PTBP2: variants seen among roughly 807,000 people sequenced by gnomAD.
The protein encoded by PTBP2 is polypyrimidine tract binding protein 2.
In PTBP2, 13 loss-of-function variants were observed where a neutral mutation model predicts 61.4. The observed-to-expected ratio is 0.21, with a 90% CI of 0.14 to 0.34. The LOEUF is 0.34. Among genes scored for constraint, PTBP2 ranks in the 10% least tolerant of loss-of-function variants. The pLI is 1.00. For synonymous variants in PTBP2, 215 were observed against 218.5 expected (o/e 0.98, Z 0.14); for missense variants, 405 against 642.6 (o/e 0.63, Z 4.00).
At chr1:96,783,029 T>C (rs1326648670) in intron 7 of PTBP2, among the ~76,000 whole-genome samples, 1 of 152,016 alleles carries the variant, frequency 6.6e-6, no homozygotes, top group Non-Finnish European at 1.5e-5. Flanking sequence ...TCTTGAGCTT[T>C]TAATGTCAGA....
chr1:96,793,606 C>T (rs1214543860), intron 8 of PTBP2, among the ~76,000 whole-genome samples: 1 of 152,052 alleles, frequency 6.6e-6, no homozygotes, highest in Non-Finnish European at 1.5e-5. Context: ...CTCCTGACCT[C>T]GTGATCCGCC....
chr1:96,728,815 A>ATTG (rs1553170685), intron 2 of PTBP2, among the ~76,000 whole-genome samples: 2,279 of 110,176 alleles, frequency 0.021, 66 homozygotes, highest in African/African-American at 0.061. Flanking sequence ...TTCTTTAAGC[A>ATTG]TTTTTTTTTT....
intron 3 of PTBP2, among the ~76,000 whole-genome samples, chr1:96,766,313 A>G (rs1355881924): frequency 2.0e-5 from 3 of 152,240 alleles, no homozygotes; most frequent in African/African-American, 7.2e-5. Context: ...AATGAATAAA[A>G]TTTATATGCA....
intron 2 of PTBP2, among the ~76,000 whole-genome samples, chr1:96,732,290 G>T (rs2100812023): frequency 6.6e-6 from 1 of 152,192 alleles, no homozygotes; most frequent in African/African-American, 2.4e-5. Flanking sequence ...AAAACTTTGG[G>T]TTTTTAGGTT....
intron 8 of PTBP2, among the ~76,000 whole-genome samples, chr1:96,799,293 G>GTTTTTTTTTTT (rs1557768004): frequency 2.3e-5 from 2 of 88,290 alleles, no homozygotes; most frequent in African/African-American, 1.2e-4. Flanking sequence ...AATAGATCAA[G>GTTTTTTTTTTT]CTTTTTTTTT....
intron 3 of PTBP2, among the ~76,000 whole-genome samples, chr1:96,767,144 T>C (rs1269489314): frequency 6.6e-6 from 1 of 152,160 alleles, no homozygotes; most frequent in African/African-American, 2.4e-5. Flanking sequence ...GTCTTATCCT[T>C]TGATTCTCAG....
At chr1:96,773,211 G>A (rs1013051646) in intron 5 of PTBP2, among the ~76,000 whole-genome samples, 3 of 150,698 alleles carry the variant, frequency 2.0e-5, no homozygotes, top group Non-Finnish European at 3.0e-5. Flanking sequence ...ACTAGTGGAA[G>A]CCCCATTGAG....
At chr1:96,776,332 CAAT>C (rs913938741) in intron 5 of PTBP2, among the ~76,000 whole-genome samples, 3 of 151,160 alleles carry the variant, frequency 2.0e-5, no homozygotes, top group Non-Finnish European at 3.0e-5. Context: ...ATTATTTTTT[CAAT>C]AATAGTATCA....
chr1:96,807,047 C>T (rs1332608154), intron 11 of PTBP2, 89 bp downstream of exon 11: 1 of 941,014 alleles, frequency 1.1e-6, no homozygotes, highest in Non-Finnish European at 1.6e-6. Context: ...AACTCCTTTA[C>T]ATCAGTAAGA....
intron 8 of PTBP2, 46 bp downstream of exon 8, chr1:96,785,300 T>C (rs1570939581): frequency 7.0e-7 from 1 of 1,425,598 alleles, no homozygotes; most frequent in Non-Finnish European, 9.4e-7. Context: ...TTTTGCCAAA[T>C]GGAAAAGTAC....
Position 96,813,055 on chromosome 1 carries a change from G to A in PTBP2, c.1415G>A (p.Arg472Gln), listed in dbSNP as rs750961122. 5 of 1,613,154 alleles carry A rather than the reference G, an allele frequency of 3.1e-6. No homozygotes were observed. The highest frequency in any genetic ancestry group is 3.4e-6 in the Non-Finnish European group (4 of 1,179,416). ...IPPSVAEEDL[R>Q]TLFANTGGTV... ...CCATCAGTAGCAGAAGAGGATCTAC[G>A]AACACTGTTCGCTAACACTGGGGGC... Residue 472 changes from arginine (R) to glutamine (Q), a missense_variant, in exon 13 of 14, where the codon CGA becomes CAA. By Grantham distance (43) the Arg-to-Gln change is conservative. Coordinates refer to ENST00000674951, the MANE Select transcript of PTBP2 (RefSeq NM_021190.4).
rs76677393 is a variant in PTBP2, at chr1:96,792,451, A to T, written c.904+7197A>T. Among the ~76,000 whole-genome samples, 786 of 152,270 alleles carry T rather than the reference A, an allele frequency of 5.2e-3. 7 individuals are homozygous for T. Among genetic ancestry groups the T allele is most frequent in the South Asian group, 0.025 (119 of 4,830 alleles). ...CTGAAAGCCAGGTAGTCTGGTTCCA[A>T]AGTCCGTACTCCTGACTAATAAATA... On this transcript the variant is annotated intron_variant, in intron 8 of 13. Transcript: ENST00000674951.
At chr1:96,751,609 G>T in intron 3 of PTBP2, 109 bp downstream of exon 3, 1 of 706,552 alleles carries the variant, frequency 1.4e-6, no homozygotes. Context: ...TTAAATGCGT[G>T]TTGAAACATT....
chr1:96,797,204 TAAC>T (rs1660480686), intron 8 of PTBP2, among the ~76,000 whole-genome samples: 1 of 152,164 alleles, frequency 6.6e-6, no homozygotes, highest in African/African-American at 2.4e-5. Context: ...AGTTTGAAAG[TAAC>T]ATTGTGCGGT....
intron 3 of PTBP2, among the ~76,000 whole-genome samples, chr1:96,763,943 C>T (rs1217475819): frequency 1.3e-5 from 2 of 152,096 alleles, no homozygotes; most frequent in East Asian, 3.9e-4. Context: ...AAAAATACTC[C>T]ATGTAATTCA....
chr1:96,769,922 A>T, intron 4 of PTBP2, 47 bp downstream of exon 4: 1 of 1,400,934 alleles, frequency 7.1e-7, no homozygotes, highest in Non-Finnish European at 9.6e-7. Flanking sequence ...CAAACTATCC[A>T]GCAGGTGTGA....
intron 3 of PTBP2, 113 bp from the exon 4 acceptor site, chr1:96,769,590 T>C (rs893370005): frequency 1.1e-5 from 8 of 701,212 alleles, no homozygotes; most frequent in Non-Finnish European, 1.8e-5. Context: ...TTAAGTATTC[T>C]CAGCTATGTT....
At chr1:96,772,657 G>A (rs907964608) in intron 5 of PTBP2, among the ~76,000 whole-genome samples, 1 of 152,100 alleles carries the variant, frequency 6.6e-6, no homozygotes, top group African/African-American at 2.4e-5. Context: ...ATATGTAAGT[G>A]AGATAATGTG....
At chr1:96,791,826 C>CTTTTTTTTGTTTTTTTTTTTGTTTTT (rs1482989030) in intron 8 of PTBP2, among the ~76,000 whole-genome samples, 2 of 66,126 alleles carry the variant, frequency 3.0e-5, no homozygotes, top group Admixed American at 1.7e-4. Flanking sequence ...TGGAGTTGTG[C>CTTTTTTTTGTTTTTTTTTTTGTTTTT]TTTTTTTTTT....
Sources: allele counts gnomAD v4.1 joint callset (sites outside exome capture counted in the v4.1 genomes callset), GRCh38; gene constraint gnomAD v4.1.1; transcripts MANE v1.5; gene names NCBI Gene and HGNC (gene_info 2026-07-23, HGNC 2026-07-21).